Variants in IGFN1 observed in about 807,000 individuals in gnomAD.
IGFN1 encodes the protein immunoglobulin like and fibronectin type III domain containing 1, also known as immunoglobulin-like and fibronectin type III domain-containing protein 1.
A neutral mutation model predicts 289.5 loss-of-function variants in IGFN1; 253 were observed. The observed-to-expected ratio is 0.87, with a 90% CI of 0.79 to 0.97. The LOEUF is 0.97. IGFN1 is among the 50% of genes least tolerant of loss of function. The pLI, the probability that IGFN1 is intolerant of heterozygous loss-of-function variation, is 0.00. For synonymous variants in IGFN1, 1,706 were observed against 1,788.5 expected (o/e 0.95, Z 1.16); for missense variants, 4,470 against 4,686.1 (o/e 0.95, Z 1.35).
intron 11 of IGFN1, 141 bp from the exon 12 acceptor site, chr1:201,205,942 C>A (rs1008968217): frequency 3.1e-6 from 2 of 653,110 alleles, no homozygotes; most frequent in Admixed American, 2.9e-5. Flanking sequence ...GGTCACCTTG[C>A]TTCTCTCCTG....
At chr1:201,199,473 CT>C in intron 6 of IGFN1, 95 bp downstream of exon 6, 1 of 1,411,782 alleles carries the variant, frequency 7.1e-7, no homozygotes, top group Non-Finnish European at 9.8e-7. Context: ...CCATGAACAC[CT>C]TGTGGATCAC....
In IGFN1 at chr1:201,209,994, G is replaced by A; in HGVS notation, c.5101G>A (p.Glu1701Lys). ...GFRDGLGSSV[E>K]MGSVNEAGYR... ...TAGGGATGGTTTAGGGAGTTCTGTA[G>A]AAATGGGGTCAGTGAATGAGGCAGG... is the stretch of plus-strand genomic sequence containing the variant. The change falls in exon 12 of 24, where the codon GAA becomes AAA. Residue 1701 changes from glutamate to lysine, a missense_variant. By Grantham distance (56) the Glu-to-Lys change is moderately conservative. Transcript: ENST00000335211. The A allele has an allele frequency of 6.7e-7, 1 of 1,494,058 alleles. No homozygotes were observed. The highest frequency in any genetic ancestry group is 2.5e-5 in the East Asian group (1 of 40,156). 92.6% of individuals were successfully genotyped at this position (1,494,058 alleles called of 1,614,324 possible).
Position 201,215,835 on chromosome 1 carries a change from A to G in IGFN1, c.9292A>G (p.Ile3098Val). 1.2e-6 allele frequency: 2 copies of G among 1,601,856 alleles called. No homozygotes were observed. The highest frequency in any genetic ancestry group is 1.7e-6 in the Non-Finnish European group (2 of 1,173,974). Residue 3098 changes from isoleucine (I) to valine (V), a missense_variant, in exon 15 of 24, where the codon ATA becomes GTA. Around this residue, in one of 8 missense-constraint regions of IGFN1, gnomAD observed 2,218 missense variants for 2,114.1 expected, o/e 1.05. Coordinates refer to ENST00000335211, the MANE Select transcript of IGFN1 (RefSeq NM_001164586.2). ...SVQAELTLQV[I>V]DKPDPPQGPM... ...GCAGGCCGAGCTCACTCTGCAAGTC[A>G]TAGGTACCAGCCCTGTCTTCCCCCA...
Position 201,222,815 on chromosome 1 carries a change from C to T in IGFN1, c.10278C>T (p.Pro3426=), listed in dbSNP as rs574224409. ...AGGTCGGGGACACAGTTCGTGTGCC[C>T]GTCTCCTTTGAAGTGAGTGTACCTG... ...TVKVGDTVRV[P]VSFEAMPMPE... Residue 3426 remains proline (P), a synonymous_variant, in exon 20 of 24, where the codon CCC becomes CCT. Transcript: ENST00000335211. 27 of 1,612,430 alleles carry T rather than the reference C, an allele frequency of 1.7e-5. No homozygotes were observed. The highest frequency in any genetic ancestry group is 1.6e-4 in the African/African-American group (12 of 75,024).
chr1:201,218,731 T>C (rs1209926624), intron 18 of IGFN1, 73 bp downstream of exon 18: 4 of 1,481,488 alleles, frequency 2.7e-6, no homozygotes, highest in Non-Finnish European at 3.7e-6. Flanking sequence ...TGGGACTTGA[T>C]GGGAGGTCAA....
intron 3 of IGFN1, among the ~76,000 whole-genome samples, chr1:201,194,618 G>A (rs2102315906): frequency 6.6e-6 from 1 of 152,354 alleles, no homozygotes; most frequent in Middle Eastern, 3.4e-3. Context: ...CACTGCTGCA[G>A]AGAGGCACTG....
chr1:201,210,839 T>C lies in IGFN1; in HGVS notation c.5946T>C (p.Asp1982=). The change falls in exon 12 of 24, where the codon GAT becomes GAC. Residue 1982 remains aspartate, a synonymous_variant. Coordinates refer to ENST00000335211, the MANE Select transcript of IGFN1 (RefSeq NM_001164586.2). The part of the protein sequence containing the change: ...MGSGSKEGFR[D]GLGGSEEMGS... ...CAGGGAGTAAGGAAGGTTTCAGGGATGGTTTAGGGGGTTCTGAGGAAATGG... is the reference window on the plus strand; with the variant it reads ...CAGGGAGTAAGGAAGGTTTCAGGGACGGTTTAGGGGGTTCTGAGGAAATGG... 6.5e-7 allele frequency: 1 copy of C among 1,531,290 alleles called. No individual in the cohort carries two copies. The highest frequency in any genetic ancestry group is 1.2e-5 in the South Asian group (1 of 83,736). The allele number at this position is 1,531,290 out of a possible 1,614,324, so 94.9% of individuals were successfully genotyped here. A position where few individuals can be genotyped will look rare whatever the true frequency, so the allele number is the denominator to read the frequency against.
At chr1:201,225,120 G>A (rs940584) in intron 21 of IGFN1, among the ~76,000 whole-genome samples, 137,826 of 152,336 alleles carry the variant, frequency 0.9, 62,507 homozygotes, top group East Asian at 1. Context: ...TCTCCTCTCC[G>A]ACCTCAGTTA....
chr1:201,216,729 G>A lies in IGFN1; in HGVS notation c.9571G>A (p.Glu3191Lys), dbSNP rs774825518. 1.2e-6 allele frequency: 2 copies of A among 1,610,990 alleles called. No individual in the cohort carries two copies. The change falls in exon 16 of 24, where the codon GAG becomes AAG. Residue 3191 changes from glutamate to lysine, a missense_variant. Glu to Lys is a moderately conservative substitution (Grantham distance 56). This residue lies in a region of IGFN1 where 2,218 missense variants were observed against 2,114.1 expected (regional missense o/e 1.05). Coordinates refer to ENST00000335211, the MANE Select transcript of IGFN1 (RefSeq NM_001164586.2). ...SEGAGEALES[E>K]EILVAPEALP... is the part of the protein sequence containing the mutation. Reference sequence around the variant, plus strand: ...GGGGGCTGGCGAGGCCCTGGAGTCTGAGGAGATATTGGTGGCTCCTGAGGG... The same window carrying A: ...GGGGGCTGGCGAGGCCCTGGAGTCTAAGGAGATATTGGTGGCTCCTGAGGG...
At chr1:201,198,074 T>G (rs547301816) in intron 5 of IGFN1, among the ~76,000 whole-genome samples, 1 of 152,102 alleles carries the variant, frequency 6.6e-6, no homozygotes, top group Non-Finnish European at 1.5e-5. Context: ...TCAAACATAA[T>G]CCATGTTCAA....
Position 201,209,254 on chromosome 1 carries a change from C to T in IGFN1, c.4361C>T (p.Ser1454Leu). 2 of 1,482,568 alleles carry T rather than the reference C, an allele frequency of 1.3e-6. No individual in the cohort carries two copies. Among genetic ancestry groups the T allele is most frequent in the African/African-American group, 1.4e-5 (1 of 69,078 alleles). The allele number at this position is 1,482,568 out of a possible 1,614,324, so 91.8% of individuals were successfully genotyped here. Residue 1454 changes from serine to leucine, a missense_variant, in exon 12 of 24, where the codon TCA becomes TTA. Around this residue, in one of 8 missense-constraint regions of IGFN1, gnomAD observed 2,011 missense variants for 1,953.4 expected, o/e 1.03. Transcript: ENST00000335211. ...TTAAGGGGTTCTGGAGAAATGAGGTCAATGGATGAGGCAGGTTATAGGAAA... is the reference window on the plus strand; with the variant it reads ...TTAAGGGGTTCTGGAGAAATGAGGTTAATGGATGAGGCAGGTTATAGGAAA... ...DGLRGSGEMR[S>L]MDEAGYRKNL...
rs1312643799 is a variant in IGFN1 at position 201,216,799 on chromosome 1, C to T, written c.9595+46C>T. The T allele has an allele frequency of 3.3e-6, 5 of 1,495,742 alleles. No individual in the cohort carries two copies. In the South Asian group the frequency reaches 6.2e-5, roughly 19 times the overall value. The allele number at this position is 1,495,742 out of a possible 1,614,324, so 92.7% of individuals were successfully genotyped here. ...TGGGGGTGGGGGACACTCCTGGGCT[C>T]CCCACTGTGCCGAGGAGGGCAGGCT... On this transcript the variant is annotated intron_variant, in intron 16 of 23. Transcript: ENST00000335211.
chr1:201,215,635 G>A lies in IGFN1; in HGVS notation c.9092G>A (p.Ser3031Asn). The A allele has an allele frequency of 6.2e-7, 1 of 1,614,032 alleles. No homozygotes were observed. The highest frequency in any genetic ancestry group is 1.1e-5 in the South Asian group (1 of 91,044). The change falls in exon 15 of 24, where the codon AGC becomes AAC. Residue 3031 changes from serine to asparagine, a missense_variant. Physicochemically the swap from Ser to Asn is conservative, Grantham distance 46. Around this residue, in one of 8 missense-constraint regions of IGFN1, gnomAD observed 2,218 missense variants for 2,114.1 expected, o/e 1.05. Coordinates refer to ENST00000335211, the MANE Select transcript of IGFN1 (RefSeq NM_001164586.2). Reference sequence around the variant, plus strand: ...GTGATAGTGAAGATCCCCTTCCAGAGCCACCTCCCCATTCAGGCTGCCTGG... The same window carrying A: ...GTGATAGTGAAGATCCCCTTCCAGAACCACCTCCCCATTCAGGCTGCCTGG... Reference protein sequence around the residue: ...KPVIVKIPFQSHLPIQAAWRK... With the variant: ...KPVIVKIPFQNHLPIQAAWRK...
In IGFN1 at chr1:201,195,987, C is replaced by T. The variant is rs778008722; in HGVS notation, c.267+9C>T. ...AGGAGCACGTGCTGCAGGTAAGAAC[C>T]GTAGCTCTTCCCCTGACCAGGGTCT... On this transcript the variant is annotated intron_variant, in intron 4 of 23. Transcript: ENST00000335211. 23 of 1,550,944 alleles carry T rather than the reference C, an allele frequency of 1.5e-5. No homozygotes were observed. Among genetic ancestry groups the T allele is most frequent in the African/African-American group, 4.1e-5 (3 of 73,030 alleles).
intron 3 of IGFN1, among the ~76,000 whole-genome samples, chr1:201,195,136 C>T (rs1259513364): frequency 6.7e-6 from 1 of 150,370 alleles, no homozygotes; most frequent in Non-Finnish European, 1.5e-5. Context: ...GAAGGGAAGC[C>T]AGAAAATCTC....
rs1201874389 is a variant in IGFN1 at position 201,212,085 on chromosome 1, G to A, written c.7192G>A (p.Gly2398Ser). The A allele has an allele frequency of 6.5e-7, 1 of 1,536,416 alleles. No individual in the cohort carries two copies. The part of the protein sequence containing the change: ...HRSGYWVASE[G>S]DTNSKDGPER... Reference sequence around the variant, plus strand: ...GTCAGGATATTGGGTAGCATCAGAGGGTGACACGAACTCCAAGGATGGTCC... The same window carrying A: ...GTCAGGATATTGGGTAGCATCAGAGAGTGACACGAACTCCAAGGATGGTCC... Residue 2398 changes from glycine to serine, a missense_variant, in exon 12 of 24, where the codon GGT becomes AGT. By Grantham distance (56) the Gly-to-Ser change is moderately conservative (BLOSUM62 0). Around this residue, in one of 8 missense-constraint regions of IGFN1, gnomAD observed 2,218 missense variants for 2,114.1 expected, o/e 1.05. Transcript: ENST00000335211.
chr1:201,211,943 G>A lies in IGFN1; in HGVS notation c.7050G>A (p.Thr2350=), dbSNP rs192452215. Reference sequence around the variant, plus strand: ...GAGGCTCAGGAGGATCTGGGGAAACGGGACCAGAGGGTAAGATGGGTTATG... The same window carrying A: ...GAGGCTCAGGAGGATCTGGGGAAACAGGACCAGAGGGTAAGATGGGTTATG... ...YRGGSGGSGE[T]GPEGKMGYGD... The change falls in exon 12 of 24, where the codon ACG becomes ACA. Residue 2350 remains threonine, a synonymous_variant. Coordinates refer to ENST00000335211, the MANE Select transcript of IGFN1 (RefSeq NM_001164586.2). 7.9e-5 allele frequency: 121 copies of A among 1,528,360 alleles called. No individual in the cohort carries two copies. The highest frequency in any genetic ancestry group is 4.4e-4 in the Admixed American group (22 of 50,458). 94.7% of individuals were successfully genotyped at this position (1,528,360 alleles called of 1,614,324 possible).
chr1:201,215,195 A>T (rs1653143307), intron 14 of IGFN1, 41 bp downstream of exon 14: 1 of 1,583,360 alleles, frequency 6.3e-7, no homozygotes, highest in East Asian at 2.2e-5. Flanking sequence ...GTCCTGTCCC[A>T]CAGTCTCTTT....
chr1:201,208,265 TG>T lies in IGFN1; in HGVS notation c.3377del (p.Gly1126AlafsTer31), dbSNP rs770766664. The T allele has an allele frequency of 9.1e-5, 139 of 1,535,712 alleles. 3 individuals carry two copies. The South Asian group carries it at 1.6e-3, about 17-fold the overall frequency. ...GGCCTTGGGGTCAGACTGGAAATTATGGGGGCTTCAGAGCCTCAGAGGCCCT... is the reference window on the plus strand; with the variant it reads ...GGCCTTGGGGTCAGACTGGAAATTATGGGGCTTCAGAGCCTCAGAGGCCCT... ...IRPWGQTGNYGGFRASEALGA... is the reference protein window; with the variant it reads ...IRPWGQTGNYXGFRASEALGA... On this transcript the variant is annotated frameshift_variant, in exon 12 of 24. Transcript: ENST00000335211. LOFTEE classifies it high-confidence loss of function.
Sources: allele counts gnomAD v4.1 joint callset (sites outside exome capture counted in the v4.1 genomes callset), GRCh38; gene constraint gnomAD v4.1.1; regional missense constraint gnomAD v4.1.1; transcripts MANE v1.5; gene names NCBI Gene and HGNC (gene_info 2026-07-23, HGNC 2026-07-21).